Variants in MGA observed in about 807,000 individuals in gnomAD.
MGA encodes the protein MAX dimerization protein MGA.
Under a neutral mutation model 261.1 loss-of-function variants are expected in MGA, and 40 were observed. That is an observed-to-expected ratio of 0.15 (90% CI 0.12 to 0.20). The LOEUF (loss-of-function observed/expected upper bound fraction) is 0.20. MGA is among the 10% of genes least tolerant of loss of function. The pLI is 1.00. For missense variants in MGA, 3,397 were observed against 3,630.5 expected, an observed-to-expected ratio of 0.94 and a Z score of 1.65; for synonymous variants, 1,302 against 1,290.6, an observed-to-expected ratio of 1.01 and a Z score of -0.19.
chr15:41,657,358 T>C (rs1320582872), upstream of MGA, among the ~76,000 whole-genome samples: 9 of 31,876 alleles, frequency 2.8e-4, no homozygotes, highest in Non-Finnish European at 4.4e-4. Context: ...TTTTTTTTTT[T>C]TTTTTTTTTT....
chr15:41,717,231 G>C lies in MGA; in HGVS notation c.3430+3735G>C, dbSNP rs528567177. Among the ~76,000 whole-genome samples the C allele has an allele frequency of 4.5e-4, 68 of 152,204 alleles. No homozygotes were observed. The South Asian group carries it at 0.011, about 24-fold the overall frequency. ...TACTTTTATCACCTGCTTATCCTTT[G>C]GTTTGTCAAAAAATACTGCTGGCTG... On this transcript the variant is annotated intron_variant, in intron 9 of 23. Transcript: ENST00000219905.
At chr15:41,702,994 C>G (rs1282665042) in intron 5 of MGA, among the ~76,000 whole-genome samples, 1 of 152,118 alleles carries the variant, frequency 6.6e-6, no homozygotes, top group Non-Finnish European at 1.5e-5. Flanking sequence ...CTATTAATAT[C>G]TAACATAAGA....
intron 2 of MGA, among the ~76,000 whole-genome samples, chr15:41,673,850 G>C (rs1486833848): frequency 6.6e-6 from 1 of 151,918 alleles, no homozygotes; most frequent in South Asian, 2.1e-4. Flanking sequence ...TGGCCATCTT[G>C]TAGTCTTATC....
Position 41,767,473 on chromosome 15 carries a change from A to G in MGA, c.*193A>G. 1 of 623,574 alleles carries G rather than the reference A, an allele frequency of 1.6e-6. No individual in the cohort carries two copies. The highest frequency in any genetic ancestry group is 2.8e-6 in the Non-Finnish European group (1 of 362,552). 38.6% of individuals were successfully genotyped at this position (623,574 alleles called of 1,614,324 possible). A position where few individuals can be genotyped will look rare whatever the true frequency, so the allele number is the denominator to read the frequency against. On this transcript the variant is annotated 3_prime_UTR_variant, in exon 24 of 24. Coordinates refer to ENST00000219905, the MANE Select transcript of MGA (RefSeq NM_001164273.2). ...GTACTCTGAAATTCTGATCATGTTA[A>G]AATGTGTTACCTCACTTGTGGTGCT...
intron 13 of MGA, among the ~76,000 whole-genome samples, chr15:41,737,385 G>T (rs1468208964): frequency 1.3e-5 from 2 of 151,218 alleles, no homozygotes; most frequent in African/African-American, 4.9e-5. Flanking sequence ...GAACTTCTGA[G>T]CTCAGGTGAT....
chr15:41,749,794 A>G lies in MGA; in HGVS notation c.6187A>G (p.Lys2063Glu), dbSNP rs1156342322. Reference sequence around the variant, plus strand: ...TGGGTCACATACAGATCAAGATTATAAAGATGTTAATGAAGAATATGGGGC... The same window carrying G: ...TGGGTCACATACAGATCAAGATTATGAAGATGTTAATGAAGAATATGGGGC... Residue 2063 changes from lysine (K) to glutamate (E), a missense_variant, in exon 17 of 24, where the codon AAA (lysine) becomes GAA (glutamate). This residue lies in a region of MGA where 1,410 missense variants were observed against 1,386.4 expected (regional missense o/e 1.02). Coordinates refer to ENST00000219905, the MANE Select transcript of MGA (RefSeq NM_001164273.2). The G allele has an allele frequency of 2.5e-6, 4 of 1,613,886 alleles. No individual in the cohort carries two copies. Among genetic ancestry groups the G allele is most frequent in the East Asian group, 2.2e-5 (1 of 44,892 alleles).
intron 8 of MGA, among the ~76,000 whole-genome samples, chr15:41,712,715 G>T (rs2060449471): frequency 6.6e-6 from 1 of 151,536 alleles, no homozygotes; most frequent in South Asian, 2.1e-4. Flanking sequence ...TTCTGTAAAG[G>T]GCCAAATAGT....
At chr15:41,708,308 C>T (rs986645838) in intron 7 of MGA, 100 bp downstream of exon 7, 12 of 886,856 alleles carry the variant, frequency 1.4e-5, no homozygotes, top group Non-Finnish European at 2.1e-5. Flanking sequence ...TCCTTCTCGC[C>T]ATGGGTTTTT....
At chr15:41,742,458 A>C in intron 14 of MGA, 88 bp from the exon 15 acceptor site, 1 of 1,453,394 alleles carries the variant, frequency 6.9e-7, no homozygotes, top group Non-Finnish European at 9.3e-7. Flanking sequence ...TTGACCCAGT[A>C]GTGCACAGTA....
chr15:41,736,075 G>A (rs1567052550), intron 12 of MGA, 106 bp from the exon 13 acceptor site: 4 of 1,030,098 alleles, frequency 3.9e-6, no homozygotes, highest in Non-Finnish European at 5.4e-6. Flanking sequence ...TTACTACTGT[G>A]AAAGAACGTG....
At chr15:41,643,203 T>A (rs1399178270) in intron 1 of MGA, among the ~76,000 whole-genome samples, 2 of 136,240 alleles carry the variant, frequency 1.5e-5, no homozygotes, top group Non-Finnish European at 1.6e-5. Flanking sequence ...GGTGCCTGGC[T>A]CTTTTTTTTT....
chr15:41,628,733 G>T (rs1036716908), intron 1 of MGA, among the ~76,000 whole-genome samples: 1 of 152,170 alleles, frequency 6.6e-6, no homozygotes, highest in African/African-American at 2.4e-5. Context: ...GAGCCTTGCA[G>T]GCCATGAGGT....
chr15:41,639,263 C>G (rs142441208), intron 1 of MGA, among the ~76,000 whole-genome samples: 187 of 152,090 alleles, frequency 1.2e-3, no homozygotes, highest in African/African-American at 4.3e-3. Flanking sequence ...ATTTTATGGC[C>G]CCTTCTCTGG....
At chr15:41,644,206 ATAT>A (rs2150658110) in intron 1 of MGA, among the ~76,000 whole-genome samples, 1 of 152,176 alleles carries the variant, frequency 6.6e-6, no homozygotes, top group Admixed American at 6.6e-5. Flanking sequence ...TTCATTCAAA[ATAT>A]TACTATACAG....
chr15:41,767,386 T>G lies in MGA; in HGVS notation c.*106T>G. On this transcript the variant is annotated 3_prime_UTR_variant, in exon 24 of 24. Coordinates refer to ENST00000219905, the MANE Select transcript of MGA (RefSeq NM_001164273.2). Reference sequence around the variant, plus strand: ...GTGTCTTAGAACTTGGATCCTTGACTTCAATGATGCAGTGGATAATGATGG... The same window carrying G: ...GTGTCTTAGAACTTGGATCCTTGACGTCAATGATGCAGTGGATAATGATGG... 8.4e-7 allele frequency: 1 copy of G among 1,184,476 alleles called. No homozygotes were observed. The highest frequency in any genetic ancestry group is 1.2e-6 in the Non-Finnish European group (1 of 841,468). The allele number at this position is 1,184,476 out of a possible 1,614,324, so 73.4% of individuals were successfully genotyped here.
chr15:41,740,332 C>T, intron 14 of MGA, 129 bp downstream of exon 14: 1 of 1,029,960 alleles, frequency 9.7e-7, no homozygotes, highest in Non-Finnish European at 1.4e-6. Context: ...TGTTGTCTGT[C>T]TTGCCTGGAC....
chr15:41,678,311 G>A (rs1019271440), intron 2 of MGA, among the ~76,000 whole-genome samples: 6 of 151,514 alleles, frequency 4.0e-5, no homozygotes, highest in East Asian at 3.9e-4. Flanking sequence ...GGCTGGTGTC[G>A]AACTCCTGAC....
At chr15:41,652,168 G>A (rs1463167675) in intron 1 of MGA, among the ~76,000 whole-genome samples, 2 of 149,328 alleles carry the variant, frequency 1.3e-5, no homozygotes, top group Non-Finnish European at 3.0e-5. Flanking sequence ...TAGAGATGGG[G>A]TTTCATGTGT....
At position 41,675,375 on chromosome 15, in the gene MGA, C is replaced by T. The variant is rs531412226; in HGVS notation, c.1064+5417C>T. Among the ~76,000 whole-genome samples the T allele has an allele frequency of 4.8e-4, 72 of 151,110 alleles. No homozygotes were observed. The South Asian group carries it at 0.011, about 23-fold the overall frequency. On this transcript the variant is annotated intron_variant, in intron 2 of 23. Transcript: ENST00000219905. Reference sequence around the variant, plus strand: ...AGGCTATTGCTGCTTTTTTTTTTCCCCTTTCTTTTTTTTTGAGTCAGGATC... The same window carrying T: ...AGGCTATTGCTGCTTTTTTTTTTCCTCTTTCTTTTTTTTTGAGTCAGGATC...
Sources: gnomAD v4.1 joint callset for allele counts (sites outside exome capture counted in the v4.1 genomes callset) on GRCh38, gnomAD v4.1.1 for gene constraint, gnomAD v4.1.1 regional missense constraint, MANE v1.5 for transcripts, NCBI Gene and HGNC (gene_info 2026-07-23, HGNC 2026-07-21) for gene names.